Variants in SYT9 observed in about 807,000 individuals in gnomAD.
SYT9 encodes the protein synaptotagmin 9.
A neutral mutation model predicts 48.4 loss-of-function variants in SYT9; 22 were observed. The observed-to-expected ratio is 0.45, with a 90% confidence interval of 0.32 to 0.65. SYT9 has a LOEUF of 0.65. Among genes scored for constraint, SYT9 ranks in the 30% least tolerant of loss-of-function variants. The pLI is 0.03. For missense variants in SYT9, 577 were observed against 622.0 expected, an observed-to-expected ratio of 0.93 and a Z score of 0.77; for synonymous variants, 265 against 245.0, an observed-to-expected ratio of 1.08 and a Z score of -0.76.
chr11:7,335,504 C>G (rs1056106543), intron 3 of SYT9, among the ~76,000 whole-genome samples: 6 of 151,854 alleles, frequency 4.0e-5, no homozygotes, highest in Non-Finnish European at 8.8e-5. Context: ...GTTTGCTGTT[C>G]CCCTCTTTGT....
At position 7,276,464 on chromosome 11, in the gene SYT9, G is replaced by A. The variant is rs1848395587; in HGVS notation, c.145+24133G>A. On this transcript the variant is annotated intron_variant, in intron 1 of 6. Coordinates refer to ENST00000318881, the MANE Select transcript of SYT9 (RefSeq NM_175733.4). Reference sequence around the variant, plus strand: ...TCTTCAGTGGGCCCATTCAACTATGGGATCAAGTCTAAGCTCTTTAGCATG... The same window carrying A: ...TCTTCAGTGGGCCCATTCAACTATGAGATCAAGTCTAAGCTCTTTAGCATG... Among the ~76,000 whole-genome samples, 3 of 152,124 alleles carry A rather than the reference G, an allele frequency of 2.0e-5. No individual in the cohort carries two copies. In the South Asian group the frequency reaches 6.2e-4, roughly 31 times the overall value.
At chr11:7,297,834 T>A (rs531440687) in intron 1 of SYT9, among the ~76,000 whole-genome samples, 1 of 152,376 alleles carries the variant, frequency 6.6e-6, no homozygotes, top group South Asian at 2.1e-4. Flanking sequence ...TGTAATTTTT[T>A]CTCAGAAGTT....
intron 3 of SYT9, among the ~76,000 whole-genome samples, chr11:7,335,295 T>C (rs1006095424): frequency 2.0e-5 from 3 of 152,206 alleles, no homozygotes; most frequent in Admixed American, 1.3e-4. Flanking sequence ...ACAAAATCTT[T>C]GGTCAATTTT....
intron 3 of SYT9, among the ~76,000 whole-genome samples, chr11:7,338,822 T>G (rs560839330): frequency 1.9e-3 from 294 of 152,224 alleles, no homozygotes; most frequent in Non-Finnish European, 3.8e-3. Flanking sequence ...TATATTCTGT[T>G]TTTGAGTGGA....
intron 4 of SYT9, 36 bp downstream of exon 4, chr11:7,416,198 T>A (rs1428978803): frequency 6.2e-7 from 1 of 1,612,824 alleles, no homozygotes; most frequent in Non-Finnish European, 8.5e-7. Context: ...CCTCATGCAC[T>A]TCTACTGTAG....
At chr11:7,322,614 G>A (rs754876097) in intron 3 of SYT9, among the ~76,000 whole-genome samples, 8 of 152,152 alleles carry the variant, frequency 5.3e-5, no homozygotes, top group Admixed American at 3.9e-4. Flanking sequence ...GGTCTCTGAC[G>A]AAGAGACTTT....
chr11:7,444,805 A>C (rs1847898343), intron 6 of SYT9, among the ~76,000 whole-genome samples: 2 of 152,000 alleles, frequency 1.3e-5, no homozygotes, highest in South Asian at 4.1e-4. Flanking sequence ...GGAGTTTGTG[A>C]TTTTCCAAAG....
chr11:7,307,618 C>A (rs1159014809), intron 2 of SYT9, among the ~76,000 whole-genome samples: 1 of 152,208 alleles, frequency 6.6e-6, no homozygotes, highest in Non-Finnish European at 1.5e-5. Context: ...AGACCCACAG[C>A]AAGAGCACCA....
intron 6 of SYT9, among the ~76,000 whole-genome samples, chr11:7,455,253 C>T (rs961913439): frequency 2.7e-5 from 4 of 150,218 alleles, no homozygotes; most frequent in Admixed American, 2.0e-4. Flanking sequence ...AATTAGCACA[C>T]ATTTAATTGA....
chr11:7,314,250 C>G (rs1849200949), intron 3 of SYT9: 1 of 491,122 alleles, frequency 2.0e-6, no homozygotes, highest in East Asian at 5.6e-5. Context: ...TTCTTTAGAG[C>G]TTTTTCAGGT....
At chr11:7,316,360 A>C (rs369672043) in intron 3 of SYT9, among the ~76,000 whole-genome samples, 1 of 152,062 alleles carries the variant, frequency 6.6e-6, no homozygotes, top group Non-Finnish European at 1.5e-5. Context: ...ACATATGACA[A>C]TATGGGTTTG....
chr11:7,410,946 C>G (rs1590007756), intron 3 of SYT9, among the ~76,000 whole-genome samples: 1 of 152,250 alleles, frequency 6.6e-6, no homozygotes, highest in East Asian at 1.9e-4. Context: ...CCTCTGCCTC[C>G]CAGGTTCAAG....
upstream of SYT9, among the ~76,000 whole-genome samples, chr11:7,247,678 A>G (rs1026885647): frequency 1.0e-4 from 15 of 143,256 alleles, no homozygotes; most frequent in Non-Finnish European, 2.0e-4. Flanking sequence ...ATACGTATAT[A>G]TGTGTGTATA....
intron 1 of SYT9, among the ~76,000 whole-genome samples, chr11:7,287,479 C>A (rs1051216071): frequency 1.3e-5 from 2 of 152,076 alleles, no homozygotes; most frequent in Admixed American, 1.3e-4. Flanking sequence ...AGTTCAGAAC[C>A]CTGACCAACA....
intron 1 of SYT9, among the ~76,000 whole-genome samples, chr11:7,253,554 A>G (rs1420092099): frequency 1.3e-5 from 2 of 150,972 alleles, no homozygotes; most frequent in Admixed American, 6.6e-5. Flanking sequence ...TTTAAAGTTT[A>G]TATCAGATTT....
chr11:7,392,027 A>G (rs965741237), intron 3 of SYT9, among the ~76,000 whole-genome samples: 1 of 151,948 alleles, frequency 6.6e-6, no homozygotes, highest in Non-Finnish European at 1.5e-5. Flanking sequence ...CTTAATTTAG[A>G]TGCATAATTT....
intron 3 of SYT9, among the ~76,000 whole-genome samples, chr11:7,346,131 G>A (rs1849795480): frequency 6.6e-6 from 1 of 152,198 alleles, no homozygotes; most frequent in African/African-American, 2.4e-5. Context: ...AAGGACCAAA[G>A]CCAGAACAGA....
At chr11:7,349,233 A>G (rs930541298) in intron 3 of SYT9, among the ~76,000 whole-genome samples, 1 of 152,084 alleles carries the variant, frequency 6.6e-6, no homozygotes, top group East Asian at 1.9e-4. Context: ...CAGAGTGTCT[A>G]GTTGGGGTGA....
rs374567594 is a variant in SYT9 at position 7,313,642 on chromosome 11, G to A, written c.745G>A (p.Ala249Thr). The change falls in exon 3 of 7, where the codon GCC becomes ACC. Residue 249 changes from alanine (A) to threonine (T), a missense_variant. Transcript: ENST00000318881. ...GATTCACAAAGCTGTCAATTTGCCCGCCAAGGACTTTTCTGGGACTTCAGA... is the reference window on the plus strand; with the variant it reads ...GATTCACAAAGCTGTCAATTTGCCCACCAAGGACTTTTCTGGGACTTCAGA... ...VKIHKAVNLPAKDFSGTSDPY... is the reference protein window; with the variant it reads ...VKIHKAVNLPTKDFSGTSDPY... 1.3e-5 allele frequency: 21 copies of A among 1,614,130 alleles called. No individual in the cohort carries two copies. The highest frequency in any genetic ancestry group is 1.5e-5 in the Non-Finnish European group (18 of 1,180,004).
Sources: allele counts gnomAD v4.1 joint callset (sites outside exome capture counted in the v4.1 genomes callset), GRCh38; gene constraint gnomAD v4.1.1; transcripts MANE v1.5; gene names NCBI Gene and HGNC (gene_info 2026-07-23, HGNC 2026-07-21).